Variants in OCIAD2 observed in about 807,000 individuals in gnomAD.
The protein encoded by OCIAD2 is OCIA domain containing 2.
Under a neutral mutation model 22.9 loss-of-function variants are expected in OCIAD2, and 29 were observed. That is an observed-to-expected ratio of 1.27 (90% confidence interval 0.94 to 1.73). The LOEUF is 1.73. Ranked by LOEUF, OCIAD2 falls within the 40% of genes most tolerant of loss-of-function variation. OCIAD2 has a pLI of 0.00. For synonymous variants in OCIAD2, 67 were observed against 60.2 expected (o/e 1.11, Z -0.52); for missense variants, 189 against 180.3 (o/e 1.05, Z -0.28).
Position 48,900,040 on chromosome 4 carries a change from A to G in OCIAD2, c.67-115T>C, listed in dbSNP as rs970224101. The G allele has an allele frequency of 2.8e-5, 18 of 640,454 alleles. No individual in the cohort carries two copies. The Middle Eastern group carries it at 7.8e-4, about 28-fold the overall frequency. 39.7% of individuals were successfully genotyped at this position (640,454 alleles called of 1,614,324 possible). A position where few individuals can be genotyped will look rare whatever the true frequency, so the allele number is the denominator to read the frequency against. On this transcript the variant is annotated intron_variant, in intron 2 of 6. Coordinates refer to ENST00000508632, the MANE Select transcript of OCIAD2 (RefSeq NM_001014446.3). ...ACTTGTTACACAGTGTGTGTTCTCT[A>G]CCAGAGGCAGCCCAAAGCAATTATC...
intron 2 of OCIAD2, among the ~76,000 whole-genome samples, chr4:48,900,488 A>C (rs1272360035): frequency 6.6e-6 from 1 of 151,740 alleles, no homozygotes; most frequent in East Asian, 1.9e-4. Flanking sequence ...TTTTTTTTAC[A>C]CATTTATAAG....
chr4:48,894,122 G>C, intron 4 of OCIAD2, 69 bp from the exon 5 acceptor site: 2 of 801,742 alleles, frequency 2.5e-6, no homozygotes, highest in Non-Finnish European at 3.5e-6. Flanking sequence ...TAAATTATAA[G>C]TTATTCTTAA....
intron 6 of OCIAD2, among the ~76,000 whole-genome samples, chr4:48,886,145 G>T (rs1780979973): frequency 6.6e-6 from 1 of 152,114 alleles, no homozygotes; most frequent in Non-Finnish European, 1.5e-5. Flanking sequence ...TCTACATATG[G>T]CTAGCCAGTT....
chr4:48,899,812 G>A lies in OCIAD2; in HGVS notation c.163+17C>T, dbSNP rs189233915. The A allele has an allele frequency of 3.0e-4, 475 of 1,566,038 alleles. 2 individuals carry two copies. The African/African-American group carries it at 5.7e-3, about 19-fold the overall frequency. On this transcript the variant is annotated intron_variant, in intron 3 of 6. Transcript: ENST00000508632. ...TAGGCAGTTTACTGCCACAAATACA[G>A]TGTTAGGTGCAATTACCTCTCTTCC...
At position 48,885,397 on chromosome 4, in the gene OCIAD2, A is replaced by C; in HGVS notation, c.*87T>G. The C allele has an allele frequency of 1.3e-6, 1 of 777,018 alleles. No individual in the cohort carries two copies. Among genetic ancestry groups the C allele is most frequent in the Non-Finnish European group, 2.3e-6 (1 of 434,848 alleles). 48.1% of individuals were successfully genotyped at this position (777,018 alleles called of 1,614,324 possible). A position where few individuals can be genotyped will look rare whatever the true frequency, so the allele number is the denominator to read the frequency against. On this transcript the variant is annotated 3_prime_UTR_variant, in exon 7 of 7. Coordinates refer to ENST00000508632, the MANE Select transcript of OCIAD2 (RefSeq NM_001014446.3). ...AGACACAATGTTTTTGTTCCATTAG[A>C]AGTATTTTATTTTAAAGTACACTTG...
rs181059233 is a variant in OCIAD2 at position 48,904,381 on chromosome 4, C to T, written c.66+103G>A. On this transcript the variant is annotated intron_variant, in intron 2 of 6. Coordinates refer to ENST00000508632, the MANE Select transcript of OCIAD2 (RefSeq NM_001014446.3). ...AGGAGGATCACTTAATCCAGCAGTT[C>T]GAGACTGCAGTGAGCCATGACTGCA... 1.1e-3 allele frequency: 1,096 copies of T among 991,908 alleles called. 14 individuals are homozygous for T. Among genetic ancestry groups the T allele is most frequent in the South Asian group, 0.011 (815 of 76,782 alleles). 61.4% of individuals were successfully genotyped at this position (991,908 alleles called of 1,614,324 possible). A position where few individuals can be genotyped will look rare whatever the true frequency, so the allele number is the denominator to read the frequency against.
chr4:48,894,659 A>G (rs951640284), intron 4 of OCIAD2, among the ~76,000 whole-genome samples: 1 of 152,184 alleles, frequency 6.6e-6, no homozygotes, highest in African/African-American at 2.4e-5. Flanking sequence ...AGGGCTAACA[A>G]CAGTGTTCAA....
intron 6 of OCIAD2, among the ~76,000 whole-genome samples, chr4:48,890,852 C>A (rs1415462927): frequency 6.6e-6 from 1 of 152,174 alleles, no homozygotes; most frequent in South Asian, 2.1e-4. Context: ...GCAAGGCCAG[C>A]AACTGCTATT....
chr4:48,893,798 G>A lies in OCIAD2; in HGVS notation c.265+208C>T, dbSNP rs1314580755. The A allele has an allele frequency of 7.6e-5, 23 of 302,400 alleles. No homozygotes were observed. The East Asian group carries it at 1.1e-3, about 15-fold the overall frequency. 18.7% of individuals were successfully genotyped at this position (302,400 alleles called of 1,614,324 possible). A position where few individuals can be genotyped will look rare whatever the true frequency, so the allele number is the denominator to read the frequency against. On this transcript the variant is annotated intron_variant, in intron 5 of 6. Transcript: ENST00000508632. The stretch of plus-strand genomic sequence containing the variant: ...GGCAGTTTAGTTAGGCTGGACATTC[G>A]TATCTCCAGTTGCTAGTAATGTCTT...
rs145114162 is a variant in OCIAD2 at position 48,903,074 on chromosome 4, G to A, written c.66+1410C>T. ...CCTTGTGACTTTCTATCATTTGTCT[G>A]TTTGCCTCGCCTAAACTTTGCTCCT... On this transcript the variant is annotated intron_variant, in intron 2 of 6. Transcript: ENST00000508632. 1.1e-3 allele frequency among the ~76,000 whole-genome samples: 163 copies of A among 152,258 alleles called. 1 individual carries two copies. Among genetic ancestry groups the A allele is most frequent in the African/African-American group, 3.8e-3 (158 of 41,540 alleles).
In OCIAD2 at chr4:48,892,795, A is replaced by T. The variant is rs1475527098; in HGVS notation, c.360T>A (p.Ala120=). ...FHFFEDQLRG[A]GFGPQHNRHC... ...ACCTGTTATGCTGTGGACCAAAACC[A>T]GCCCCACGGAGCTGATCTTCAAAAA... The change falls in exon 6 of 7, where the codon GCT becomes GCA. Residue 120 remains alanine, a synonymous_variant. Coordinates refer to ENST00000508632, the MANE Select transcript of OCIAD2 (RefSeq NM_001014446.3). 6.2e-7 allele frequency: 1 copy of T among 1,605,940 alleles called. No individual in the cohort carries two copies. The highest frequency in any genetic ancestry group is 8.5e-7 in the Non-Finnish European group (1 of 1,173,788).
chr4:48,889,583 G>A (rs933877593), intron 6 of OCIAD2, among the ~76,000 whole-genome samples: 18 of 152,132 alleles, frequency 1.2e-4, no homozygotes, highest in Non-Finnish European at 2.4e-4. Flanking sequence ...TTAGAATGGC[G>A]ATCATTAAAA....
At chr4:48,892,461 C>T (rs1022083392) in intron 6 of OCIAD2, among the ~76,000 whole-genome samples, 20 of 152,122 alleles carry the variant, frequency 1.3e-4, no homozygotes, top group African/African-American at 4.8e-4. Context: ...AGTAAAGAAA[C>T]CTGTTAAAGT....
intron 1 of OCIAD2, among the ~76,000 whole-genome samples, chr4:48,905,021 A>T (rs1781496483): frequency 6.6e-6 from 1 of 152,180 alleles, no homozygotes; most frequent in South Asian, 2.1e-4. Flanking sequence ...TCATGTCACA[A>T]AGGAACTAGG....
At chr4:48,899,741 G>GTC in intron 3 of OCIAD2, 88 bp downstream of exon 3, 1 of 885,220 alleles carries the variant, frequency 1.1e-6, no homozygotes, top group Non-Finnish European at 1.8e-6. Flanking sequence ...TTTATGCAAA[G>GTC]TCTCTGCTCA....
At chr4:48,894,730 C>T (rs1233852358) in intron 4 of OCIAD2, among the ~76,000 whole-genome samples, 2 of 152,090 alleles carry the variant, frequency 1.3e-5, no homozygotes, top group Non-Finnish European at 1.5e-5. Flanking sequence ...GGTACATGTG[C>T]ACCCTCTTTT....
At chr4:48,905,990 C>T (rs1332297657) in intron 1 of OCIAD2, among the ~76,000 whole-genome samples, 5 of 152,152 alleles carry the variant, frequency 3.3e-5, no homozygotes, top group Non-Finnish European at 5.9e-5. Flanking sequence ...ATGAGGGATA[C>T]GTCCATAAAG....
At chr4:48,901,957 C>T (rs992760083) in intron 2 of OCIAD2, among the ~76,000 whole-genome samples, 24 of 151,720 alleles carry the variant, frequency 1.6e-4, no homozygotes, top group African/African-American at 5.1e-4. Context: ...GTGGGGGGGG[C>T]GTTCTCACTA....
chr4:48,887,231 A>C (rs1433446891), intron 6 of OCIAD2, among the ~76,000 whole-genome samples: 2 of 152,060 alleles, frequency 1.3e-5, no homozygotes, highest in East Asian at 1.9e-4. Flanking sequence ...TAGATTCTGG[A>C]TATTAGCCCT....
Sources: gnomAD v4.1 joint callset for allele counts (sites outside exome capture counted in the v4.1 genomes callset) on GRCh38, gnomAD v4.1.1 for gene constraint, MANE v1.5 for transcripts, NCBI Gene and HGNC (gene_info 2026-07-23, HGNC 2026-07-21) for gene names.